The following ZNF223 variants were observed in gnomAD, a reference collection of about 807,000 sequenced individuals.
ZNF223 encodes Homo sapiens zinc finger protein 223.
A neutral mutation model predicts 12.3 loss-of-function variants in ZNF223; 9 were observed. That is an observed-to-expected ratio of 0.73 (90% CI 0.44 to 1.28). The LOEUF (loss-of-function observed/expected upper bound fraction) is 1.28. ZNF223 is among the 50% of genes most tolerant of loss of function. The pLI is 0.00. For synonymous variants in ZNF223, 171 were observed against 195.2 expected (o/e 0.88, Z 1.03); for missense variants, 506 against 579.0 (o/e 0.87, Z 1.29).
In ZNF223 at chr19:44,052,038, T is replaced by A. The variant is rs1036120470; in HGVS notation, c.-226T>A. ...AGAGAGGACACTTCCGGTCTCCTAG[T>A]CTGAGGTTCCTGCTTTAATGACCGG... On this transcript the variant is annotated 5_prime_UTR_variant, in exon 1 of 5. Transcript: ENST00000434772. The A allele has an allele frequency of 1.3e-5, 2 of 152,190 alleles. No individual in the cohort carries two copies. The highest frequency in any genetic ancestry group is 2.9e-5 in the Non-Finnish European group (2 of 68,036). The allele number at this position is 152,190 out of a possible 1,614,324, so 9.4% of individuals were successfully genotyped here.
In ZNF223 at chr19:44,057,634, G is replaced by A. The variant is rs896260853; in HGVS notation, c.15+2443G>A. Among the ~76,000 whole-genome samples, 13 of 152,316 alleles carry A rather than the reference G, an allele frequency of 8.5e-5. No individual in the cohort carries two copies. The East Asian group carries it at 2.5e-3, about 29-fold the overall frequency. On this transcript the variant is annotated intron_variant, in intron 2 of 4. Coordinates refer to ENST00000434772, the MANE Select transcript of ZNF223 (RefSeq NM_013361.6). ...GAACTATTATTCAGAGAGGGAACAA[G>A]CCTTGTAGGAAAACATGTCTGAGGT... is the stretch of plus-strand genomic sequence containing the variant.
chr19:44,060,917 C>A, intron 4 of ZNF223, 76 bp downstream of exon 4: 2 of 1,370,402 alleles, frequency 1.5e-6, no homozygotes, highest in Admixed American at 1.9e-5. Flanking sequence ...AACTCCATTA[C>A]CTTCTTCTAA....
rs1354252097 is a variant in ZNF223 at position 44,066,970 on chromosome 19, A to G, written c.1142A>G (p.Tyr381Cys). The G allele has an allele frequency of 1.2e-6, 2 of 1,613,128 alleles. No homozygotes were observed. The highest frequency in any genetic ancestry group is 1.7e-6 in the Non-Finnish European group (2 of 1,179,284). ...AAATGTGACAAGTGTGGGAAGAGCT[A>G]CATTACTAAGTCAGGTCTTGACTTG... ...PYKCDKCGKS[Y>C]ITKSGLDLHH... The change falls in exon 5 of 5, where the codon TAC (tyrosine) becomes TGC (cysteine). Residue 381 changes from tyrosine to cysteine, a missense_variant. Physicochemically the swap from Tyr to Cys is radical, Grantham distance 194 (BLOSUM62 -2). Coordinates refer to ENST00000434772, the MANE Select transcript of ZNF223 (RefSeq NM_013361.6).
At position 44,067,182 on chromosome 19, in the gene ZNF223, G is replaced by A; in HGVS notation, c.1354G>A (p.Gly452Arg). The stretch of plus-strand genomic sequence containing the variant: ...TAAAGACCAACAAAAAAACCACAGT[G>A]GAGAAAATCCATCCAAATGTGAAGA... Reference protein sequence around the residue: ...YRKDQQKNHSGENPSKCEDCG... With the variant: ...YRKDQQKNHSRENPSKCEDCG... The change falls in exon 5 of 5, where the codon GGA becomes AGA. Residue 452 changes from glycine to arginine, a missense_variant. By Grantham distance (125) the Gly-to-Arg change is moderately radical. Transcript: ENST00000434772. 6.2e-7 allele frequency: 1 copy of A among 1,612,306 alleles called. No individual in the cohort carries two copies.
At chr19:44,060,685 A>G in intron 3 of ZNF223, 64 bp from the exon 4 acceptor site, 2 of 1,613,704 alleles carry the variant, frequency 1.2e-6, no homozygotes, top group Non-Finnish European at 1.7e-6. Flanking sequence ...AATTTCCAAT[A>G]AGTGTTACCG....
rs762182092 is a variant in ZNF223 at position 44,060,879 on chromosome 19, TC to T, written c.235+40del. The T allele has an allele frequency of 2.5e-6, 4 of 1,574,274 alleles. No homozygotes were observed. The African/African-American group carries it at 5.4e-5, about 21-fold the overall frequency. ...CAACTGTGTGTCCTTGTTTGTGACT[TC>T]CATCTGTTTTACTTCTGTGCACGTC... is the stretch of plus-strand genomic sequence containing the variant. On this transcript the variant is annotated intron_variant, in intron 4 of 4. Transcript: ENST00000434772.
chr19:44,060,747 A>G lies in ZNF223; in HGVS notation c.143-2A>G, dbSNP rs749175823. On this transcript the variant is annotated splice_acceptor_variant, in intron 3 of 4. Transcript: ENST00000434772. LOFTEE classifies it high-confidence loss of function. ...TAAGCATGTGACTTTTCCTGTTTAC[A>G]GGGCATCAACCATTCCACCGAGATA... 1 of 1,612,656 alleles carries G rather than the reference A, an allele frequency of 6.2e-7. No individual in the cohort carries two copies.
intron 1 of ZNF223, among the ~76,000 whole-genome samples, chr19:44,053,116 G>C (rs1976722443): frequency 6.6e-6 from 1 of 152,100 alleles, no homozygotes. Flanking sequence ...ATATTGAAGG[G>C]GGCCTGCCTC....
chr19:44,054,334 C>CT (rs1976738697), intron 1 of ZNF223, among the ~76,000 whole-genome samples: 1 of 151,948 alleles, frequency 6.6e-6, no homozygotes, highest in African/African-American at 2.4e-5. Context: ...AAGAAGATGT[C>CT]TTTCAGATTT....
rs1454667257 is a variant in ZNF223 at position 44,055,197 on chromosome 19, T to C, written c.15+6T>C. On this transcript the variant is annotated splice_donor_region_variant and intron_variant, in intron 2 of 4. Transcript: ENST00000434772. ...GAAAAATGACCATGTCCAAGGTAAG[T>C]AGGACTTGCCTCTCTTACTGTTAAA... 6.2e-7 allele frequency: 1 copy of C among 1,613,048 alleles called. No individual in the cohort carries two copies. Among genetic ancestry groups the C allele is most frequent in the East Asian group, 2.2e-5 (1 of 44,824 alleles).
intron 1 of ZNF223, among the ~76,000 whole-genome samples, chr19:44,052,476 A>G (rs1209294552): frequency 6.6e-6 from 1 of 152,192 alleles, no homozygotes; most frequent in Non-Finnish European, 1.5e-5. Context: ...TGCGAATTGA[A>G]AGAGATAATA....
At chr19:44,058,417 G>T (rs1327580666) in intron 2 of ZNF223, among the ~76,000 whole-genome samples, 1 of 152,114 alleles carries the variant, frequency 6.6e-6, no homozygotes, top group African/African-American at 2.4e-5. Context: ...TACATTCCGT[G>T]GACCCCAGAG....
chr19:44,067,570 C>A lies in ZNF223; in HGVS notation c.*293C>A. ...TTACCCTTCCCTGCCTCTAGAGCCA[C>A]TGTTCTCACTACTTCTAAGAAATCA... On this transcript the variant is annotated 3_prime_UTR_variant, in exon 5 of 5. Transcript: ENST00000434772. 1 of 420,976 alleles carries A rather than the reference C, an allele frequency of 2.4e-6. No homozygotes were observed. The highest frequency in any genetic ancestry group is 4.5e-6 in the Non-Finnish European group (1 of 221,640). 26.1% of individuals were successfully genotyped at this position (420,976 alleles called of 1,614,324 possible).
chr19:44,060,269 G>C, intron 2 of ZNF223, 186 bp from the exon 3 acceptor site: 1 of 1,031,770 alleles, frequency 9.7e-7, no homozygotes, highest in Non-Finnish European at 1.4e-6. Context: ...TTCTGATGAC[G>C]CTTGGGACAA....
chr19:44,052,720 T>C lies in ZNF223; in HGVS notation c.-69+525T>C, dbSNP rs77594918. 5.9e-3 allele frequency among the ~76,000 whole-genome samples: 894 copies of C among 152,136 alleles called. 7 individuals carry two copies. The highest frequency in any genetic ancestry group is 0.02 in the African/African-American group (829 of 41,514). Reference sequence around the variant, plus strand: ...CATACCTGTAACCAGAGACAGCTGATTGGTAGCTTTCTGCAGCAAGGAAGC... The same window carrying C: ...CATACCTGTAACCAGAGACAGCTGACTGGTAGCTTTCTGCAGCAAGGAAGC... On this transcript the variant is annotated intron_variant, in intron 1 of 4. Coordinates refer to ENST00000434772, the MANE Select transcript of ZNF223 (RefSeq NM_013361.6).
chr19:44,057,801 C>A (rs1164279577), intron 2 of ZNF223, among the ~76,000 whole-genome samples: 2 of 152,300 alleles, frequency 1.3e-5, no homozygotes, highest in African/African-American at 2.4e-5. Flanking sequence ...TCTCAGGGTA[C>A]CATGGAGCAG....
chr19:44,066,303 G>T lies in ZNF223; in HGVS notation c.475G>T (p.Asp159Tyr). The change falls in exon 5 of 5, where the codon GAT becomes TAT. Residue 159 changes from aspartate (D) to tyrosine (Y), a missense_variant. Asp to Tyr is a radical substitution (Grantham distance 160). Transcript: ENST00000434772. ...NCGKCKQSFS[D>Y]MSIFDLPQQI... Reference sequence around the variant, plus strand: ...TGGGAAGTGTAAACAATCCTTCAGTGATATGTCCATCTTTGATCTTCCTCA... The same window carrying T: ...TGGGAAGTGTAAACAATCCTTCAGTTATATGTCCATCTTTGATCTTCCTCA... 4 of 1,614,216 alleles carry T rather than the reference G, an allele frequency of 2.5e-6. No homozygotes were observed. The highest frequency in any genetic ancestry group is 3.4e-6 in the Non-Finnish European group (4 of 1,180,040).
chr19:44,056,577 G>C (rs1473115346), intron 2 of ZNF223, among the ~76,000 whole-genome samples: 3 of 121,622 alleles, frequency 2.5e-5, no homozygotes, highest in African/African-American at 9.7e-5. Flanking sequence ...GGCATAAAAT[G>C]CCTCACCATT....
rs755263076 is a variant in ZNF223 at position 44,055,151 on chromosome 19, G to A, written c.-26G>A. ...CTGGAACTGTGTCATTCAGGACTCTGCAAATTCCCTAAAGTAGGAGGAAAA... is the reference window on the plus strand; with the variant it reads ...CTGGAACTGTGTCATTCAGGACTCTACAAATTCCCTAAAGTAGGAGGAAAA... On this transcript the variant is annotated 5_prime_UTR_variant, in exon 2 of 5. Transcript: ENST00000434772. 1 of 1,612,730 alleles carries A rather than the reference G, an allele frequency of 6.2e-7. No individual in the cohort carries two copies.
Sources: gnomAD v4.1 joint callset for allele counts (sites outside exome capture counted in the v4.1 genomes callset) on GRCh38, gnomAD v4.1.1 for gene constraint, MANE v1.5 for transcripts, NCBI Gene and HGNC (gene_info 2026-07-23, HGNC 2026-07-21) for gene names.